The following CARMIL1 variants were observed in gnomAD, a reference collection of about 807,000 sequenced individuals.
CARMIL1 encodes the protein F-actin-uncapping protein LRRC16A.
A neutral mutation model predicts 177.1 loss-of-function variants in CARMIL1; 90 were observed. That is an observed-to-expected ratio of 0.51 (90% CI 0.43 to 0.61). The LOEUF is 0.61. Among genes scored for constraint, CARMIL1 ranks in the 20% least tolerant of loss-of-function variants. The pLI, the probability that CARMIL1 is intolerant of heterozygous loss-of-function variation, is 0.00. For missense variants in CARMIL1, 1,380 were observed against 1,667.0 expected (o/e 0.83, Z 3.00); for synonymous variants, 577 against 606.2 (o/e 0.95, Z 0.71).
In CARMIL1 at chr6:25,606,069, C is replaced by A; in HGVS notation, c.3643C>A (p.Leu1215Met). ...RSDGGGAVPK[L>M]HPGLPENRFG... ...GGCCTTTTTCATCTTAGTGCCTAAA[C>A]TGCACCCAGGTCTTCCAGAGAACCG... Residue 1215 changes from leucine to methionine, a missense_variant, in exon 35 of 37, where the codon CTG becomes ATG. Coordinates refer to ENST00000329474, the MANE Select transcript of CARMIL1 (RefSeq NM_017640.6). 1 of 1,612,770 alleles carries A rather than the reference C, an allele frequency of 6.2e-7. No individual in the cohort carries two copies. The highest frequency in any genetic ancestry group is 8.5e-7 in the Non-Finnish European group (1 of 1,179,314).
chr6:25,426,658 G>T, intron 4 of CARMIL1, 98 bp downstream of exon 4: 1 of 1,121,902 alleles, frequency 8.9e-7, no homozygotes. Flanking sequence ...ACAAGGTTAG[G>T]GAAGATGAAA....
chr6:25,516,366 C>T (rs1805999560), intron 21 of CARMIL1, among the ~76,000 whole-genome samples: 1 of 152,186 alleles, frequency 6.6e-6, no homozygotes, highest in Non-Finnish European at 1.5e-5. Context: ...CTAAGTGTGG[C>T]TTTTCTCAAG....
chr6:25,422,225 G>A (rs1456878311), intron 3 of CARMIL1, among the ~76,000 whole-genome samples: 11 of 152,098 alleles, frequency 7.2e-5, no homozygotes, highest in South Asian at 2.1e-4. Context: ...CAGCCTTATC[G>A]TGCTATGATG....
intron 2 of CARMIL1, among the ~76,000 whole-genome samples, chr6:25,408,292 TA>T (rs1166997029): frequency 0.32 from 31,080 of 97,104 alleles, 3,713 homozygotes; most frequent in Non-Finnish European, 0.37. Context: ...TCTCTTAAAA[TA>T]AAAAAAAAAA....
At chr6:25,329,844 C>T (rs73396172) in intron 2 of CARMIL1, among the ~76,000 whole-genome samples, 7,668 of 152,256 alleles carry the variant, frequency 0.05, 319 homozygotes, top group African/African-American at 0.11. Context: ...CAGAGTTGTT[C>T]AGGGGATTCA....
chr6:25,317,771 C>T (rs766837845), intron 2 of CARMIL1, among the ~76,000 whole-genome samples: 19 of 151,798 alleles, frequency 1.3e-4, no homozygotes, highest in South Asian at 2.1e-4. Flanking sequence ...TGCTATGTCA[C>T]CCAGGTTGAT....
intron 35 of CARMIL1, among the ~76,000 whole-genome samples, chr6:25,609,333 G>C (rs1466244530): frequency 6.6e-6 from 1 of 151,982 alleles, no homozygotes; most frequent in Non-Finnish European, 1.5e-5. Flanking sequence ...TGGCATGGTG[G>C]CACGTGCCTG....
chr6:25,456,868 G>C (rs1425467912), intron 8 of CARMIL1, among the ~76,000 whole-genome samples: 1 of 152,032 alleles, frequency 6.6e-6, no homozygotes. Flanking sequence ...ATTTCTTACT[G>C]ATCAGGGTGA....
intron 2 of CARMIL1, among the ~76,000 whole-genome samples, chr6:25,361,171 T>C (rs1241012120): frequency 6.6e-6 from 1 of 152,240 alleles, no homozygotes; most frequent in African/African-American, 2.4e-5. Context: ...CTTGTTTGTA[T>C]TTAAGAATAC....
intron 9 of CARMIL1, 97 bp from the exon 10 acceptor site, chr6:25,471,072 T>C: frequency 1.4e-6 from 1 of 696,424 alleles, no homozygotes. Flanking sequence ...TGAGTGAATG[T>C]TTTACTTAAT....
intron 31 of CARMIL1, among the ~76,000 whole-genome samples, chr6:25,590,661 C>A (rs1814207006): frequency 6.6e-6 from 1 of 151,998 alleles, no homozygotes; most frequent in Admixed American, 6.6e-5. Context: ...GATTTTATTT[C>A]TTTTGTCATA....
chr6:25,557,201 G>T (rs1810702767), intron 29 of CARMIL1, among the ~76,000 whole-genome samples: 1 of 152,098 alleles, frequency 6.6e-6, no homozygotes, highest in African/African-American at 2.4e-5. Flanking sequence ...TATATATAGG[G>T]TGACTCTTTC....
chr6:25,397,229 C>T (rs774663552), intron 2 of CARMIL1, among the ~76,000 whole-genome samples: 15 of 152,274 alleles, frequency 9.9e-5, no homozygotes, highest in Admixed American at 2.6e-4. Flanking sequence ...CCCAAAAAAA[C>T]CCTTTATTTC....
chr6:25,439,851 A>G lies in CARMIL1; in HGVS notation c.371+4247A>G, dbSNP rs1797572773. ...TCTGTTTGTGTTTAAAATGGGAGATAAAAGCATATGCTTAAACCATATGGC... is the reference window on the plus strand; with the variant it reads ...TCTGTTTGTGTTTAAAATGGGAGATGAAAGCATATGCTTAAACCATATGGC... On this transcript the variant is annotated intron_variant, in intron 5 of 36. Transcript: ENST00000329474. 5.3e-5 allele frequency among the ~76,000 whole-genome samples: 8 copies of G among 152,194 alleles called. No homozygotes were observed. The South Asian group carries it at 1.7e-3, about 32-fold the overall frequency.
chr6:25,291,599 C>T (rs1781970454), intron 2 of CARMIL1, among the ~76,000 whole-genome samples: 1 of 152,136 alleles, frequency 6.6e-6, no homozygotes, highest in Non-Finnish European at 1.5e-5. Context: ...CTTCTTAAGG[C>T]AACATCAGCC....
At chr6:25,333,530 C>T (rs141492943) in intron 2 of CARMIL1, among the ~76,000 whole-genome samples, 19 of 152,302 alleles carry the variant, frequency 1.2e-4, no homozygotes, top group Middle Eastern at 3.4e-3. Flanking sequence ...TGTGCCACTG[C>T]GCTCCAGCCT....
At chr6:25,451,682 G>C (rs1002915007) in intron 8 of CARMIL1, among the ~76,000 whole-genome samples, 1 of 152,114 alleles carries the variant, frequency 6.6e-6, no homozygotes, top group Non-Finnish European at 1.5e-5. Context: ...CCCTATTCCA[G>C]AGTGTCTGGT....
intron 2 of CARMIL1, among the ~76,000 whole-genome samples, chr6:25,373,935 T>G (rs1022963277): frequency 1.3e-5 from 2 of 152,228 alleles, no homozygotes; most frequent in African/African-American, 4.8e-5. Flanking sequence ...TTAATCTAGC[T>G]AATCATCTAT....
intron 2 of CARMIL1, among the ~76,000 whole-genome samples, chr6:25,401,047 G>A (rs1793842180): frequency 6.6e-6 from 1 of 151,922 alleles, no homozygotes; most frequent in African/African-American, 2.4e-5. Context: ...TAGTTTTAGG[G>A]TTTTCCTGCA....
Sources: allele counts gnomAD v4.1 joint callset (sites outside exome capture counted in the v4.1 genomes callset), GRCh38; gene constraint gnomAD v4.1.1; transcripts MANE v1.5; gene names NCBI Gene and HGNC (gene_info 2026-07-23, HGNC 2026-07-21).